The following MKLN1 variants were observed in gnomAD, a reference collection of about 807,000 sequenced individuals.
MKLN1 encodes the protein muskelin 1.
In MKLN1, 18 loss-of-function variants were observed where a neutral mutation model predicts 99.0. That is an observed-to-expected ratio of 0.18 (90% CI 0.13 to 0.27). The LOEUF is 0.27. MKLN1 is among the 10% of genes least tolerant of loss of function. MKLN1 has a pLI of 1.00. For missense variants in MKLN1, 621 were observed against 875.9 expected, an observed-to-expected ratio of 0.71 and a Z score of 3.67; for synonymous variants, 288 against 293.2, an observed-to-expected ratio of 0.98 and a Z score of 0.18.
At chr7:131,401,453 A>G (rs761497010) in intron 6 of MKLN1, among the ~76,000 whole-genome samples, 1 of 151,976 alleles carries the variant, frequency 6.6e-6, no homozygotes, top group Non-Finnish European at 1.5e-5. Flanking sequence ...TGCTGAGCTT[A>G]TCTTATTTGC....
At chr7:131,143,270 C>G (rs920275423) in intron 2 of MKLN1, among the ~76,000 whole-genome samples, 6 of 151,576 alleles carry the variant, frequency 4.0e-5, no homozygotes, top group Admixed American at 3.9e-4. Flanking sequence ...AGTTCGAGAC[C>G]AGCCTGGTTA....
At position 131,425,130 on chromosome 7, in the gene MKLN1, C is replaced by A. The variant is rs138022666; in HGVS notation, c.848-3903C>A. Among the ~76,000 whole-genome samples, 186 of 152,262 alleles carry A rather than the reference C, an allele frequency of 1.2e-3. 2 individuals are homozygous for A. The highest frequency in any genetic ancestry group is 3.0e-3 in the Admixed American group (46 of 15,290). Reference sequence around the variant, plus strand: ...GTATCACATCTTAGAGATTAAGAAACCAATAGTTAAGGAACTGTGTGGTGG... The same window carrying A: ...GTATCACATCTTAGAGATTAAGAAAACAATAGTTAAGGAACTGTGTGGTGG... On this transcript the variant is annotated intron_variant, in intron 8 of 17. Coordinates refer to ENST00000352689, the MANE Select transcript of MKLN1 (RefSeq NM_013255.5).
intron 3 of MKLN1, among the ~76,000 whole-genome samples, chr7:131,227,814 C>T (rs1463812209): frequency 6.6e-6 from 1 of 152,164 alleles, no homozygotes; most frequent in Admixed American, 6.6e-5. Flanking sequence ...AATCTGCCCG[C>T]CTCAGCCTCC....
At chr7:131,445,993 C>A in intron 12 of MKLN1, 90 bp downstream of exon 12, 1 of 872,248 alleles carries the variant, frequency 1.1e-6, no homozygotes, top group Non-Finnish European at 1.7e-6. Context: ...AATCATTTTT[C>A]ACCCTTTCTT....
At chr7:131,454,848 G>A (rs1335982200) in intron 12 of MKLN1, among the ~76,000 whole-genome samples, 1 of 152,162 alleles carries the variant, frequency 6.6e-6, no homozygotes, top group Non-Finnish European at 1.5e-5. Flanking sequence ...AGGATGTGAT[G>A]CTTAGAGTTG....
At chr7:131,119,978 G>T (rs1795336548) in intron 1 of MKLN1, among the ~76,000 whole-genome samples, 2 of 152,122 alleles carry the variant, frequency 1.3e-5, no homozygotes, top group South Asian at 4.1e-4. Flanking sequence ...CTAGTTTCAA[G>T]TCATTTCTTT....
chr7:131,360,699 A>G (rs1800003913), intron 1 of MKLN1, among the ~76,000 whole-genome samples: 2 of 152,168 alleles, frequency 1.3e-5, no homozygotes, highest in African/African-American at 4.8e-5. Flanking sequence ...GTTTAAGAGT[A>G]AAAAATACAT....
chr7:131,132,925 C>CA (rs1200356947), intron 1 of MKLN1, among the ~76,000 whole-genome samples: 6 of 87,110 alleles, frequency 6.9e-5, no homozygotes, highest in South Asian at 4.5e-4. Flanking sequence ...GACTCTGTCT[C>CA]AAAAAAAAAA....
intron 3 of MKLN1, among the ~76,000 whole-genome samples, chr7:131,248,817 C>T (rs917722788): frequency 1.3e-5 from 2 of 152,200 alleles, no homozygotes; most frequent in African/African-American, 4.8e-5. Context: ...CATGGGTGGG[C>T]ACCTGCCTCT....
intron 1 of MKLN1, among the ~76,000 whole-genome samples, chr7:131,350,858 G>T (rs1799700380): frequency 6.6e-6 from 1 of 152,082 alleles, no homozygotes; most frequent in African/African-American, 2.4e-5. Flanking sequence ...CAGTGGTGGG[G>T]ATCATTTGAG....
In MKLN1 at chr7:131,375,414, T is replaced by G; in HGVS notation, c.99-10T>G. ...GTTCTCTTAATTTTTTAATACTTTCTTTATTCCAGGAACATTTTAGTGGAC... is the reference window on the plus strand; with the variant it reads ...GTTCTCTTAATTTTTTAATACTTTCGTTATTCCAGGAACATTTTAGTGGAC... On this transcript the variant is annotated splice_polypyrimidine_tract_variant and intron_variant, in intron 1 of 17. Transcript: ENST00000352689. 6.3e-7 allele frequency: 1 copy of G among 1,593,962 alleles called. No individual in the cohort carries two copies. The highest frequency in any genetic ancestry group is 8.6e-7 in the Non-Finnish European group (1 of 1,162,026).
chr7:131,292,687 A>G (rs900005338), intron 3 of MKLN1, among the ~76,000 whole-genome samples: 1 of 152,228 alleles, frequency 6.6e-6, no homozygotes, highest in African/African-American at 2.4e-5. Context: ...CAGAGGGAGC[A>G]TGGCCCTGCC....
At chr7:131,206,932 G>T (rs1481101618) in intron 3 of MKLN1, among the ~76,000 whole-genome samples, 2 of 152,108 alleles carry the variant, frequency 1.3e-5, no homozygotes, top group African/African-American at 4.8e-5. Context: ...TGTTGCCAAG[G>T]CTGATTTGGG....
rs538379246 is a variant in MKLN1, at chr7:131,234,350, G to A, written c.-179+31376G>A. 2.6e-5 allele frequency among the ~76,000 whole-genome samples: 4 copies of A among 152,306 alleles called. No homozygotes were observed. The East Asian group carries it at 7.7e-4, about 29-fold the overall frequency. On this transcript the variant is annotated intron_variant, in intron 3 of 7. Transcript: ENST00000416992. Reference sequence around the variant, plus strand: ...AGAAAATTAACTAAATTCATTAGTTGTAACTTTTTCTCAAGCATTCACATT... The same window carrying A: ...AGAAAATTAACTAAATTCATTAGTTATAACTTTTTCTCAAGCATTCACATT...
Position 131,117,708 on chromosome 7 carries a change from A to T in MKLN1, c.-419+7501A>T, listed in dbSNP as rs113164751. Among the ~76,000 whole-genome samples, 48 of 152,328 alleles carry T rather than the reference A, an allele frequency of 3.2e-4. 1 individual carries two copies. The highest frequency in any genetic ancestry group is 1.1e-3 in the African/African-American group (45 of 41,570). On this transcript the variant is annotated intron_variant, in intron 1 of 7. Coordinates refer to the MKLN1 transcript ENST00000416992. ...TAGAGCAGAGAATGAGCAGATGTGG[A>T]GAGAATAGTTGGAAGGTACATTAAT...
At chr7:131,179,766 G>A (rs1796352936) in intron 2 of MKLN1, among the ~76,000 whole-genome samples, 2 of 152,004 alleles carry the variant, frequency 1.3e-5, no homozygotes, top group Admixed American at 1.3e-4. Context: ...AGTAGAGAAG[G>A]GGTTTCACCG....
intron 2 of MKLN1, among the ~76,000 whole-genome samples, chr7:131,376,340 G>GT (rs1793663774): frequency 1.8e-5 from 2 of 109,066 alleles, no homozygotes; most frequent in South Asian, 3.6e-4. Flanking sequence ...TTTGATCTAT[G>GT]TTAAAAAAAA....
At chr7:131,246,656 T>G (rs1024264443) in intron 3 of MKLN1, among the ~76,000 whole-genome samples, 7 of 149,186 alleles carry the variant, frequency 4.7e-5, no homozygotes, top group African/African-American at 1.7e-4. Context: ...TTTTTTTTTT[T>G]GACTAATTTT....
intron 3 of MKLN1, among the ~76,000 whole-genome samples, chr7:131,216,900 C>T (rs899114309): frequency 1.3e-5 from 2 of 152,150 alleles, no homozygotes; most frequent in African/African-American, 4.8e-5. Context: ...AACTCTGGGC[C>T]CATACCTGGC....
Sources: allele counts gnomAD v4.1 joint callset (sites outside exome capture counted in the v4.1 genomes callset), GRCh38; gene constraint gnomAD v4.1.1; transcripts MANE v1.5; gene names NCBI Gene and HGNC (gene_info 2026-07-23, HGNC 2026-07-21).